Variants in ATXN7L1 observed in about 807,000 individuals in gnomAD.
ATXN7L1 encodes ataxin-7-like protein 1.
Under a neutral mutation model 70.8 loss-of-function variants are expected in ATXN7L1, and 15 were observed. The ratio of observed to expected loss-of-function variants is 0.21; its 90% CI spans 0.14 to 0.33. The LOEUF is 0.33. Ranked by LOEUF, ATXN7L1 falls within the 10% of genes least tolerant of loss-of-function variation. ATXN7L1 has a pLI of 1.00. For missense variants in ATXN7L1, 975 were observed against 1,097.1 expected, an observed-to-expected ratio of 0.89 and a Z score of 1.57; for synonymous variants, 440 against 445.1, an observed-to-expected ratio of 0.99 and a Z score of 0.14.
At chr7:105,844,074 C>CCCTCCA (rs1182426352) in intron 2 of ATXN7L1, among the ~76,000 whole-genome samples, 1 of 152,094 alleles carries the variant, frequency 6.6e-6, no homozygotes, top group East Asian at 1.9e-4. Flanking sequence ...GGGCCTCCAC[C>CCCTCCA]CCAAATGGCC....
intron 2 of ATXN7L1, among the ~76,000 whole-genome samples, chr7:105,837,143 A>G (rs139013063): frequency 4.0e-4 from 61 of 152,264 alleles, no homozygotes; most frequent in African/African-American, 1.5e-3. Context: ...GCGTGAGTTC[A>G]CTTATCACCA....
intron 2 of ATXN7L1, among the ~76,000 whole-genome samples, chr7:105,812,819 G>C (rs1808620826): frequency 2.0e-5 from 3 of 152,098 alleles, no homozygotes; most frequent in Admixed American, 2.0e-4. Flanking sequence ...TGGACAACAT[G>C]ATGAAACCCT....
chr7:105,619,139 A>ATTTTTTTTTTTTTTTTTT (rs1794365463), intron 9 of ATXN7L1, among the ~76,000 whole-genome samples: 4 of 23,582 alleles, frequency 1.7e-4, no homozygotes, highest in South Asian at 1.6e-3. Flanking sequence ...TGAAATCTTT[A>ATTTTTTTTTTTTTTTTTT]GTTTTTTTTT....
chr7:105,864,299 T>TA (rs1227190797), intron 2 of ATXN7L1, among the ~76,000 whole-genome samples: 4 of 128,504 alleles, frequency 3.1e-5, no homozygotes, highest in African/African-American at 6.1e-5. Flanking sequence ...CTACTAAAAG[T>TA]CAAAAAAAAT....
chr7:105,808,776 G>C (rs948112987), intron 2 of ATXN7L1, among the ~76,000 whole-genome samples: 1 of 152,206 alleles, frequency 6.6e-6, no homozygotes, highest in Non-Finnish European at 1.5e-5. Context: ...GCCCCTTCCA[G>C]GTGGGGATAG....
intron 2 of ATXN7L1, among the ~76,000 whole-genome samples, chr7:105,797,343 C>T (rs1042168243): frequency 2.0e-5 from 3 of 152,188 alleles, no homozygotes; most frequent in Admixed American, 6.5e-5. Flanking sequence ...CGGACCCCAA[C>T]CCCAACCACC....
At chr7:105,625,834 C>T (rs1795625707) in intron 7 of ATXN7L1, among the ~76,000 whole-genome samples, 1 of 152,212 alleles carries the variant, frequency 6.6e-6, no homozygotes, top group South Asian at 2.1e-4. Flanking sequence ...GGAATAGTCA[C>T]AGTTAACTGT....
intron 7 of ATXN7L1, 130 bp from the exon 8 acceptor site, chr7:105,624,397 A>G: frequency 2.1e-6 from 2 of 936,272 alleles, no homozygotes; most frequent in Non-Finnish European, 2.8e-6. Flanking sequence ...CACGCCTGTA[A>G]TCCCGGCACT....
chr7:105,820,018 C>G (rs1809879196), intron 2 of ATXN7L1: 2 of 432,650 alleles, frequency 4.6e-6, no homozygotes, highest in South Asian at 3.4e-5. Flanking sequence ...GCTCATGAGG[C>G]TATGGAAACC....
chr7:105,760,759 G>T (rs995593858), intron 3 of ATXN7L1: 32 of 179,148 alleles, frequency 1.8e-4, no homozygotes, highest in Non-Finnish European at 6.5e-5. Context: ...GCAGTCTGAA[G>T]GATGAGTCAG....
At chr7:105,773,489 C>A (rs974531401) in intron 3 of ATXN7L1, among the ~76,000 whole-genome samples, 1 of 152,144 alleles carries the variant, frequency 6.6e-6, no homozygotes, top group African/African-American at 2.4e-5. Context: ...TGGCACCTTA[C>A]AATTAATGTC....
At chr7:105,806,577 A>G (rs1254622449) in intron 2 of ATXN7L1, among the ~76,000 whole-genome samples, 7 of 152,144 alleles carry the variant, frequency 4.6e-5, no homozygotes, top group Admixed American at 1.3e-4. Context: ...TGGGGACATC[A>G]TGAGCAAGCG....
At chr7:105,873,288 C>G (rs1818551949) in intron 2 of ATXN7L1, among the ~76,000 whole-genome samples, 1 of 152,230 alleles carries the variant, frequency 6.6e-6, no homozygotes, top group Admixed American at 6.5e-5. Context: ...AATTTCTTCT[C>G]AAGACCTGCT....
chr7:105,657,564 G>C (rs10215465), intron 4 of ATXN7L1, among the ~76,000 whole-genome samples: 82,251 of 151,510 alleles, frequency 0.54, 23,457 homozygotes, highest in Middle Eastern at 0.65. Flanking sequence ...AGGCACAGTA[G>C]TGTGTGCCTG....
intron 10 of ATXN7L1, among the ~76,000 whole-genome samples, chr7:105,612,576 G>A (rs1793252021): frequency 6.6e-6 from 1 of 152,166 alleles, no homozygotes; most frequent in Non-Finnish European, 1.5e-5. Context: ...CCCACCAGCA[G>A]TTTAGCCTCC....
intron 11 of ATXN7L1, among the ~76,000 whole-genome samples, chr7:105,608,591 C>T (rs1245167797): frequency 6.6e-6 from 1 of 152,114 alleles, no homozygotes; most frequent in African/African-American, 2.4e-5. Flanking sequence ...TGTAGGTACA[C>T]ATGACAACCT....
intron 4 of ATXN7L1, among the ~76,000 whole-genome samples, chr7:105,646,430 T>C (rs1230073437): frequency 6.6e-6 from 1 of 152,074 alleles, no homozygotes; most frequent in African/African-American, 2.4e-5. Flanking sequence ...TTTTGTTTTG[T>C]TTTGTTTTTG....
intron 11 of ATXN7L1, among the ~76,000 whole-genome samples, chr7:105,609,925 C>G (rs975727338): frequency 3.9e-5 from 6 of 152,142 alleles, no homozygotes; most frequent in African/African-American, 1.4e-4. Flanking sequence ...GAACGCACCA[C>G]CACGCCCGGT....
intron 4 of ATXN7L1, among the ~76,000 whole-genome samples, chr7:105,643,815 A>C (rs1425514925): frequency 5.9e-5 from 9 of 152,266 alleles, no homozygotes; most frequent in Non-Finnish European, 1.5e-5. Flanking sequence ...AAGAAGGCAG[A>C]GCACAAAGGT....
Sources: gnomAD v4.1 joint callset for allele counts (sites outside exome capture counted in the v4.1 genomes callset) on GRCh38, gnomAD v4.1.1 for gene constraint, MANE v1.5 for transcripts, NCBI Gene and HGNC (gene_info 2026-07-23, HGNC 2026-07-21) for gene names.